The following C2orf74 variants were observed in gnomAD, a reference collection of about 807,000 sequenced individuals.
C2orf74 encodes DPM1 ER membrane anchor 1, also known as uncharacterized protein C2orf74.
Under a neutral mutation model 17.9 loss-of-function variants are expected in C2orf74, and 14 were observed. The ratio of observed to expected loss-of-function variants is 0.78; its 90% CI spans 0.52 to 1.22. C2orf74 has a LOEUF of 1.22. Among genes scored for constraint, C2orf74 ranks in the 50% most tolerant of loss-of-function variants. The probability of loss-of-function intolerance (pLI) is 0.00; values close to 1 mark genes in which losing one functional copy is unlikely to be tolerated. For synonymous variants in C2orf74, 79 were observed against 72.6 expected, an observed-to-expected ratio of 1.09 and a Z score of -0.44; for missense variants, 217 against 218.4, an observed-to-expected ratio of 0.99 and a Z score of 0.04.
upstream of C2orf74, chr2:61,162,148 G>T: frequency 4.5e-6 from 1 of 224,558 alleles, no homozygotes; most frequent in Non-Finnish European, 8.8e-6. Context: ...TGTCACTGAC[G>T]AGAGAAGAAT....
At chr2:61,159,304 TTTC>T (rs1408890887), upstream of C2orf74, 1 of 406,514 alleles carries the variant, frequency 2.5e-6, no homozygotes, top group Non-Finnish European at 4.8e-6. Flanking sequence ...CCTTTTTTTT[TTTC>T]TTTTTTCAAG....
rs972764880 is a variant in C2orf74 at position 61,162,551 on chromosome 2, A to G, written c.37A>G (p.Ile13Val). Residue 13 changes from isoleucine (I) to valine (V), a missense_variant, in exon 2 of 5, where the codon ATC (isoleucine) becomes GTC (valine). Physicochemically the swap from Ile to Val is conservative, Grantham distance 29. Transcript: ENST00000432605. ...FETTAITFFI[I>V]LLICLICILL... ...AACCACAGCAATCACTTTCTTCATC[A>G]TCCTTCTAATTTGCCTCATTTGCAT... is the stretch of plus-strand genomic sequence containing the variant. 6 of 1,551,602 alleles carry G rather than the reference A, an allele frequency of 3.9e-6. No individual in the cohort carries two copies. The African/African-American group carries it at 5.5e-5, about 14-fold the overall frequency.
At chr2:61,153,256 A>G (rs897315570) in intron 1 of C2orf74, among the ~76,000 whole-genome samples, 1 of 152,082 alleles carries the variant, frequency 6.6e-6, no homozygotes, top group Non-Finnish European at 1.5e-5. Context: ...CAGTAAATCA[A>G]TAGTAGAAGG....
upstream of C2orf74, among the ~76,000 whole-genome samples, chr2:61,161,094 C>T (rs1304625019): frequency 6.6e-6 from 1 of 152,112 alleles, no homozygotes; most frequent in Non-Finnish European, 1.5e-5. Flanking sequence ...AAAATAATAA[C>T]CCCCCTATTG....
upstream of C2orf74, among the ~76,000 whole-genome samples, chr2:61,157,567 C>G (rs1415284726): frequency 6.6e-6 from 1 of 152,218 alleles, no homozygotes; most frequent in Non-Finnish European, 1.5e-5. Flanking sequence ...CCTGTCCACA[C>G]TGTAAGTCAA....
In C2orf74 at chr2:61,162,429, C is replaced by A; in HGVS notation, c.-86C>A. On this transcript the variant is annotated 5_prime_UTR_variant, in exon 2 of 5. Coordinates refer to ENST00000432605, the MANE Select transcript of C2orf74 (RefSeq NM_001143959.4). ...CTCTGTTTCTAGAAAACTTAAAGAACAAGAGAACTGCATTCAAATTGAGCT... is the reference window on the plus strand; with the variant it reads ...CTCTGTTTCTAGAAAACTTAAAGAAAAAGAGAACTGCATTCAAATTGAGCT... 1 of 1,004,428 alleles carries A rather than the reference C, an allele frequency of 1.0e-6. No individual in the cohort carries two copies. Among genetic ancestry groups the A allele is most frequent in the Non-Finnish European group, 1.5e-6 (1 of 673,378 alleles). The allele number at this position is 1,004,428 out of a possible 1,614,324, so 62.2% of individuals were successfully genotyped here. A position where few individuals can be genotyped will look rare whatever the true frequency, so the allele number is the denominator to read the frequency against.
intron 1 of C2orf74, among the ~76,000 whole-genome samples, chr2:61,156,465 G>A (rs995428002): frequency 4.5e-4 from 68 of 152,210 alleles, no homozygotes; most frequent in Non-Finnish European, 5.7e-4. Context: ...AAAAGATAAA[G>A]AGCTAGAGGC....
intron 1 of C2orf74, among the ~76,000 whole-genome samples, chr2:61,149,081 G>A (rs552214845): frequency 2.0e-5 from 3 of 152,274 alleles, no homozygotes; most frequent in South Asian, 2.1e-4. Context: ...AAACATGAGC[G>A]CAGATGAGCT....
upstream of C2orf74, among the ~76,000 whole-genome samples, chr2:61,157,540 A>C (rs1573716496): frequency 6.6e-6 from 1 of 152,200 alleles, no homozygotes; most frequent in Non-Finnish European, 1.5e-5. Flanking sequence ...GGACTCACAC[A>C]GCTGAAAGTC....
At chr2:61,148,982 A>G (rs1275162519) in intron 1 of C2orf74, among the ~76,000 whole-genome samples, 1 of 152,182 alleles carries the variant, frequency 6.6e-6, no homozygotes, top group Non-Finnish European at 1.5e-5. Flanking sequence ...CTTCTGCTAT[A>G]TTTTGCTCCG....
chr2:61,164,276 A>G (rs1685661986), intron 4 of C2orf74, 78 bp from the exon 5 acceptor site: 6 of 1,224,764 alleles, frequency 4.9e-6, no homozygotes, highest in African/African-American at 4.7e-5. Flanking sequence ...TTAAGTGTAC[A>G]TATAACCTGT....
intron 4 of C2orf74, among the ~76,000 whole-genome samples, chr2:61,163,656 A>G (rs3889717): frequency 0.44 from 66,448 of 151,668 alleles, 14,847 homozygotes; most frequent in Middle Eastern, 0.52. Flanking sequence ...GGAGTTGCAT[A>G]TAACTTAGGT....
At chr2:61,157,675 A>G (rs1400113709), upstream of C2orf74, among the ~76,000 whole-genome samples, 2 of 152,156 alleles carry the variant, frequency 1.3e-5, no homozygotes, top group Non-Finnish European at 2.9e-5. Context: ...TCCTGCAAAT[A>G]TCTTAACACT....
At chr2:61,158,102 C>G, upstream of C2orf74, 1 of 432,858 alleles carries the variant, frequency 2.3e-6, no homozygotes, top group South Asian at 1.7e-5. Context: ...AGAAAAGCCC[C>G]CCTTGCTCCA....
upstream of C2orf74, among the ~76,000 whole-genome samples, chr2:61,158,882 C>T (rs571695285): frequency 1.3e-5 from 2 of 152,286 alleles, no homozygotes; most frequent in South Asian, 4.1e-4. Flanking sequence ...GCAAACTATA[C>T]ATATTAGTTT....
intron 1 of C2orf74, among the ~76,000 whole-genome samples, chr2:61,152,568 G>A (rs997015189): frequency 6.7e-6 from 1 of 150,294 alleles, no homozygotes; most frequent in African/African-American, 2.5e-5. Flanking sequence ...AAAAGCTGGG[G>A]CCGGGCGCAG....
intron 1 of C2orf74, among the ~76,000 whole-genome samples, chr2:61,146,101 T>C (rs1309637636): frequency 6.6e-6 from 1 of 152,222 alleles, no homozygotes; most frequent in African/African-American, 2.4e-5. Flanking sequence ...AGATTATTGA[T>C]TGTAATAGCA....
intron 1 of C2orf74, among the ~76,000 whole-genome samples, chr2:61,155,517 G>C (rs1457307467): frequency 6.7e-6 from 1 of 148,294 alleles, no homozygotes; most frequent in East Asian, 1.9e-4. Flanking sequence ...TTGTTTGTTT[G>C]TTTGTTTGTT....
upstream of C2orf74, chr2:61,158,016 G>A (rs1226319195): frequency 2.1e-6 from 1 of 471,004 alleles, no homozygotes; most frequent in Non-Finnish European, 4.4e-6. Context: ...GCAGGAGGTA[G>A]GCAGTAGGGC....
Sources: gnomAD v4.1 joint callset for allele counts (sites outside exome capture counted in the v4.1 genomes callset) on GRCh38, gnomAD v4.1.1 for gene constraint, MANE v1.5 for transcripts, NCBI Gene and HGNC (gene_info 2026-07-23, HGNC 2026-07-21) for gene names.